Variants in DLC1 observed in about 807,000 individuals in gnomAD.
DLC1 encodes DLC1 Rho GTPase activating protein.
A neutral mutation model predicts 140.3 loss-of-function variants in DLC1; 54 were observed. The ratio of observed to expected loss-of-function variants is 0.38; its 90% CI spans 0.31 to 0.48. DLC1 has a LOEUF of 0.48. Among genes scored for constraint, DLC1 ranks in the 20% least tolerant of loss-of-function variants. The probability of loss-of-function intolerance (pLI) is 0.96; values close to 1 mark genes in which losing one functional copy is unlikely to be tolerated. For missense variants in DLC1, 2,536 were observed against 1,907.0 expected (o/e 1.33, Z -6.14); for synonymous variants, 986 against 728.1 (o/e 1.35, Z -5.70).
At chr8:13,145,704 T>C (rs981585469) in intron 5 of DLC1, among the ~76,000 whole-genome samples, 2 of 152,208 alleles carry the variant, frequency 1.3e-5, no homozygotes, top group Non-Finnish European at 2.9e-5. Flanking sequence ...TAAATGAGCA[T>C]AGCTACATGC....
chr8:13,106,241 A>C (rs1261211320), intron 7 of DLC1, among the ~76,000 whole-genome samples: 1 of 152,204 alleles, frequency 6.6e-6, no homozygotes, highest in Non-Finnish European at 1.5e-5. Context: ...GAAGAGGGAG[A>C]AGGGGGAAAG....
At chr8:13,253,954 G>T (rs1466972325) in intron 5 of DLC1, among the ~76,000 whole-genome samples, 1 of 152,156 alleles carries the variant, frequency 6.6e-6, no homozygotes, top group African/African-American at 2.4e-5. Flanking sequence ...ATGTTAACTA[G>T]AGTAACCATC....
At chr8:13,442,736 A>G (rs915662880) in intron 2 of DLC1, among the ~76,000 whole-genome samples, 1 of 152,216 alleles carries the variant, frequency 6.6e-6, no homozygotes, top group Non-Finnish European at 1.5e-5. Context: ...AGATATAGGA[A>G]CACTTTTACA....
intron 5 of DLC1, among the ~76,000 whole-genome samples, chr8:13,197,377 C>G (rs1408485419): frequency 6.6e-6 from 1 of 151,600 alleles, no homozygotes; most frequent in Non-Finnish European, 1.5e-5. Context: ...AGATGGGAGT[C>G]TTGCTCTGTC....
intron 1 of DLC1, among the ~76,000 whole-genome samples, chr8:13,534,367 TAC>T (rs1001016660): frequency 6.6e-6 from 1 of 152,134 alleles, no homozygotes; most frequent in Admixed American, 6.5e-5. Context: ...TCCACTTAAG[TAC>T]ACACACACCC....
chr8:13,507,511 T>C (rs878899893), intron 1 of DLC1, among the ~76,000 whole-genome samples: 1 of 152,216 alleles, frequency 6.6e-6, no homozygotes, highest in Admixed American at 6.5e-5. Context: ...AAACATTTAA[T>C]AACATGATGC....
chr8:13,237,879 A>T (rs1213072253), intron 5 of DLC1, among the ~76,000 whole-genome samples: 1 of 152,030 alleles, frequency 6.6e-6, no homozygotes, highest in East Asian at 1.9e-4. Flanking sequence ...GTACTTACCT[A>T]ATACATATAT....
chr8:13,315,384 A>G (rs1326264934), intron 4 of DLC1, among the ~76,000 whole-genome samples: 3 of 152,260 alleles, frequency 2.0e-5, no homozygotes, highest in Admixed American at 2.0e-4. Flanking sequence ...AAATTGTGTT[A>G]ACATTGAGAT....
At chr8:13,326,263 G>C (rs1011218566) in intron 4 of DLC1, among the ~76,000 whole-genome samples, 7 of 152,152 alleles carry the variant, frequency 4.6e-5, no homozygotes, top group African/African-American at 1.7e-4. Flanking sequence ...ATATTCAAGA[G>C]AGAAACATTT....
At chr8:13,603,739 C>T (rs996089595) in intron 1 of DLC1, among the ~76,000 whole-genome samples, 16 of 151,978 alleles carry the variant, frequency 1.1e-4, no homozygotes, top group Non-Finnish European at 5.9e-5. Flanking sequence ...AAAAAATTAG[C>T]TTATCCATTA....
At chr8:13,159,905 A>G (rs1824551905) in intron 5 of DLC1, among the ~76,000 whole-genome samples, 1 of 151,964 alleles carries the variant, frequency 6.6e-6, no homozygotes, top group African/African-American at 2.4e-5. Flanking sequence ...CAAGTCTGTA[A>G]TCCCAGCACT....
intron 5 of DLC1, among the ~76,000 whole-genome samples, chr8:13,170,488 T>A (rs1277511127): frequency 6.6e-6 from 1 of 152,138 alleles, no homozygotes. Flanking sequence ...CCCAGCACTT[T>A]GCGGGGCCAA....
intron 5 of DLC1, among the ~76,000 whole-genome samples, chr8:13,167,160 G>A (rs1462804101): frequency 6.6e-6 from 1 of 152,124 alleles, no homozygotes; most frequent in East Asian, 1.9e-4. Context: ...ACATTCTAGG[G>A]TAAACACTCA....
At chr8:13,602,479 C>G (rs73663925) in intron 1 of DLC1, among the ~76,000 whole-genome samples, 1 of 151,582 alleles carries the variant, frequency 6.6e-6, no homozygotes, top group Non-Finnish European at 1.5e-5. Context: ...TATACAATAT[C>G]GATTTGTAAA....
Position 13,094,812 on chromosome 8 carries a change from G to A in DLC1, c.3473C>T (p.Pro1158Leu). ...GAGTTTGTTCGTCATTAGTGGCTCA[G>A]GAAGATCTCGAAAATACTGCTTCAG... is the stretch of plus-strand genomic sequence containing the variant. Reference protein sequence around the residue: ...DMLKQYFRDLPEPLMTNKLSE... With the variant: ...DMLKQYFRDLLEPLMTNKLSE... Residue 1158 changes from proline (P) to leucine (L), a missense_variant, in exon 12 of 18, where the codon CCT becomes CTT. Physicochemically the swap from Pro to Leu is moderately conservative, Grantham distance 98. Coordinates refer to ENST00000276297, the MANE Select transcript of DLC1 (RefSeq NM_182643.3). The A allele has an allele frequency of 6.2e-7, 1 of 1,614,196 alleles. No homozygotes were observed. The highest frequency in any genetic ancestry group is 8.5e-7 in the Non-Finnish European group (1 of 1,180,028).
chr8:13,177,893 T>C, intron 5 of DLC1, among the ~76,000 whole-genome samples: 1 of 152,190 alleles, frequency 6.6e-6, no homozygotes, highest in Non-Finnish European at 1.5e-5. Context: ...TCTTATTCTT[T>C]CCATATTTGT....
At chr8:13,106,946 T>G (rs538330466) in intron 7 of DLC1, among the ~76,000 whole-genome samples, 1 of 152,302 alleles carries the variant, frequency 6.6e-6, no homozygotes, top group East Asian at 1.9e-4. Flanking sequence ...TGAATCACAG[T>G]TCACAATACT....
intron 4 of DLC1, among the ~76,000 whole-genome samples, chr8:13,390,678 C>T (rs1249924204): frequency 1.3e-5 from 2 of 152,160 alleles, no homozygotes. Context: ...ACGTTCTGCA[C>T]ATGTATCCTG....
chr8:13,586,622 CACA>C (rs879807580), intron 1 of DLC1, among the ~76,000 whole-genome samples: 3,585 of 147,224 alleles, frequency 0.024, 141 homozygotes, highest in East Asian at 0.11. Flanking sequence ...CACACACACA[CACA>C]CCTGCATGTA....
Sources: gnomAD v4.1 joint callset for allele counts (sites outside exome capture counted in the v4.1 genomes callset) on GRCh38, gnomAD v4.1.1 for gene constraint, MANE v1.5 for transcripts, NCBI Gene and HGNC (gene_info 2026-07-23, HGNC 2026-07-21) for gene names.